DAB1: variants seen among roughly 807,000 people sequenced by gnomAD.
The protein encoded by DAB1 is DAB adaptor protein 1, also known as disabled homolog 1.
DAB1 carries 15 observed loss-of-function variants against 64.6 expected under a neutral mutation model. The ratio of observed to expected loss-of-function variants is 0.23; its 90% CI spans 0.16 to 0.36. DAB1 has a LOEUF of 0.36. DAB1 is among the 10% of genes least tolerant of loss of function. The pLI, the probability that DAB1 is intolerant of heterozygous loss-of-function variation, is 1.00. For synonymous variants in DAB1, 235 were observed against 251.9 expected (o/e 0.93, Z 0.64); for missense variants, 596 against 706.7 (o/e 0.84, Z 1.78).
At chr1:58,056,153 G>C in intron 5 of DAB1, 1 of 1,436,108 alleles carries the variant, frequency 7.0e-7, no homozygotes, top group Non-Finnish European at 9.7e-7. Flanking sequence ...TTTGGTGGGG[G>C]ACGTGGGGCA....
chr1:58,394,311 C>G (rs1362574682), intron 3 of DAB1, among the ~76,000 whole-genome samples: 1 of 152,142 alleles, frequency 6.6e-6, no homozygotes, highest in Middle Eastern at 3.2e-3. Flanking sequence ...GTCAGTTTCT[C>G]TTAAAATTAA....
chr1:58,357,000 T>C (rs1019649555), intron 3 of DAB1, among the ~76,000 whole-genome samples: 1 of 128,524 alleles, frequency 7.8e-6, no homozygotes, highest in African/African-American at 3.0e-5. Context: ...CACTCCATCC[T>C]GGGCAACAGA....
At chr1:57,246,284 C>T (rs1668869482) in intron 2 of DAB1, among the ~76,000 whole-genome samples, 1 of 151,948 alleles carries the variant, frequency 6.6e-6, no homozygotes, top group East Asian at 1.9e-4. Flanking sequence ...CTCTGTGCAG[C>T]CTTGGGACAT....
chr1:57,724,727 A>G (rs1647189135), intron 6 of DAB1, among the ~76,000 whole-genome samples: 1 of 152,136 alleles, frequency 6.6e-6, no homozygotes. Flanking sequence ...CTCTCTGAGA[A>G]TGCAGCCCAG....
chr1:57,287,690 G>A (rs1182902379), intron 2 of DAB1, among the ~76,000 whole-genome samples: 2 of 152,034 alleles, frequency 1.3e-5, no homozygotes, highest in African/African-American at 4.8e-5. Context: ...GTCCAAGTTA[G>A]CAAATTTGTT....
intron 2 of DAB1, among the ~76,000 whole-genome samples, chr1:57,242,875 C>T (rs197627): frequency 0.54 from 82,711 of 152,014 alleles, 23,612 homozygotes; most frequent in Admixed American, 0.68. Flanking sequence ...AGTCTCCATT[C>T]GTCATTCCCC....
At chr1:57,266,997 G>T (rs1157055346) in intron 2 of DAB1, among the ~76,000 whole-genome samples, 1 of 152,058 alleles carries the variant, frequency 6.6e-6, no homozygotes, top group Non-Finnish European at 1.5e-5. Context: ...GTCCCAAAAA[G>T]GTACTGTCAT....
At chr1:57,979,782 TC>T (rs1646018280) in intron 5 of DAB1, among the ~76,000 whole-genome samples, 1 of 152,176 alleles carries the variant, frequency 6.6e-6, no homozygotes, top group Admixed American at 6.5e-5. Flanking sequence ...AAATTAGCCT[TC>T]CTGCAGGTTG....
At chr1:58,154,962 A>T (rs1655141287) in intron 4 of DAB1, among the ~76,000 whole-genome samples, 1 of 152,220 alleles carries the variant, frequency 6.6e-6, no homozygotes, top group Non-Finnish European at 1.5e-5. Context: ...CTATAAGGAA[A>T]GGACAAGGGA....
chr1:57,699,690 A>G (rs1264042820), intron 6 of DAB1, among the ~76,000 whole-genome samples: 2 of 152,060 alleles, frequency 1.3e-5, no homozygotes, highest in Non-Finnish European at 1.5e-5. Flanking sequence ...TGAGGCAGGC[A>G]GATCACGAGG....
At chr1:57,128,811 G>T (rs1453699161) in intron 4 of DAB1, among the ~76,000 whole-genome samples, 2 of 152,070 alleles carry the variant, frequency 1.3e-5, no homozygotes, top group Non-Finnish European at 2.9e-5. Flanking sequence ...CTTCTCCCCT[G>T]GTGAGCAGAA....
chr1:58,499,477 TATAGATAGATAGATAG>T (rs60917151), intron 3 of DAB1, among the ~76,000 whole-genome samples: 9 of 143,662 alleles, frequency 6.3e-5, no homozygotes. Flanking sequence ...AAAGCCAGAC[TATAGATAGATAGATAG>T]ATAGATAGAT....
intron 5 of DAB1, among the ~76,000 whole-genome samples, chr1:58,072,086 G>T (rs946556792): frequency 3.1e-5 from 1 of 32,576 alleles, no homozygotes; most frequent in South Asian, 7.1e-4. Flanking sequence ...TTGGTGGGGT[G>T]GGGGGGGGTG....
chr1:58,041,339 T>C (rs1311442099), intron 5 of DAB1, among the ~76,000 whole-genome samples: 1 of 152,208 alleles, frequency 6.6e-6, no homozygotes, highest in Non-Finnish European at 1.5e-5. Flanking sequence ...TTTTCATCTC[T>C]ATGTTTCTGG....
chr1:57,516,106 G>T (rs1644461067), intron 7 of DAB1, among the ~76,000 whole-genome samples: 1 of 152,170 alleles, frequency 6.6e-6, no homozygotes, highest in Non-Finnish European at 1.5e-5. Flanking sequence ...ATTAAAGTGG[G>T]ACTGCTTAAA....
chr1:57,683,142 G>A (rs1343008903), intron 6 of DAB1, among the ~76,000 whole-genome samples: 3 of 152,206 alleles, frequency 2.0e-5, no homozygotes, highest in Admixed American at 6.5e-5. Flanking sequence ...TTTGAGCAGA[G>A]GAGGAGCCCC....
intron 2 of DAB1, among the ~76,000 whole-genome samples, chr1:57,266,910 T>G (rs1670629448): frequency 6.6e-6 from 1 of 152,146 alleles, no homozygotes; most frequent in South Asian, 2.1e-4. Flanking sequence ...ATTTATGGTA[T>G]GGGCACTGAA....
chr1:57,775,340 A>G (rs1204560073), intron 6 of DAB1, among the ~76,000 whole-genome samples: 1 of 151,490 alleles, frequency 6.6e-6, no homozygotes, highest in African/African-American at 2.4e-5. Context: ...TAGCTTCTCA[A>G]GGTGAGGAGT....
chr1:58,448,462 A>G (rs755643299), intron 3 of DAB1, among the ~76,000 whole-genome samples: 1 of 152,238 alleles, frequency 6.6e-6, no homozygotes, highest in Admixed American at 6.5e-5. Flanking sequence ...GAATTGGAGC[A>G]CAGATGAATC....
Sources: allele counts gnomAD v4.1 joint callset (sites outside exome capture counted in the v4.1 genomes callset), GRCh38; gene constraint gnomAD v4.1.1; transcripts MANE v1.5; gene names NCBI Gene and HGNC (gene_info 2026-07-23, HGNC 2026-07-21).